The following ENPP6 variants were observed in gnomAD, a reference collection of about 807,000 sequenced individuals.
ENPP6 encodes glycerophosphocholine cholinephosphodiesterase ENPP6.
A neutral mutation model predicts 42.0 loss-of-function variants in ENPP6; 32 were observed. The ratio of observed to expected loss-of-function variants is 0.76; its 90% CI spans 0.58 to 1.02. The LOEUF is 1.02. Ranked by LOEUF, ENPP6 falls within the 50% of genes least tolerant of loss-of-function variation. The pLI is 0.00. For missense variants in ENPP6, 552 were observed against 566.8 expected, an observed-to-expected ratio of 0.97 and a Z score of 0.27; for synonymous variants, 213 against 216.0, an observed-to-expected ratio of 0.99 and a Z score of 0.12.
chr4:184,190,060 T>A (rs765589836), intron 1 of ENPP6, among the ~76,000 whole-genome samples: 2 of 152,200 alleles, frequency 1.3e-5, no homozygotes, highest in Non-Finnish European at 2.9e-5. Context: ...TGAAACCACC[T>A]GGAAGCAGGG....
chr4:184,117,822 C>A lies in ENPP6; in HGVS notation c.612G>T (p.Pro204=). ...VEGHHYGPAS[P]QRKDALKAVD... is the part of the protein sequence containing the mutation. ...CAGCCTTGAGGGCATCTTTCCTCTG[C>A]GGAGATGCAGGCCCGTAGTGGTGGC... Residue 204 remains proline, a synonymous_variant, in exon 4 of 8, where the codon CCG becomes CCT. Transcript: ENST00000296741. 2 of 1,614,218 alleles carry A rather than the reference C, an allele frequency of 1.2e-6. No homozygotes were observed. The highest frequency in any genetic ancestry group is 8.5e-7 in the Non-Finnish European group (1 of 1,180,042).
chr4:184,208,062 T>C (rs541772335), intron 1 of ENPP6, among the ~76,000 whole-genome samples: 3 of 143,316 alleles, frequency 2.1e-5, no homozygotes, highest in East Asian at 5.3e-4. Flanking sequence ...CATTCTGAGG[T>C]ACTGGAAACC....
chr4:184,202,011 AG>A (rs1264776891), intron 1 of ENPP6, among the ~76,000 whole-genome samples: 1 of 152,204 alleles, frequency 6.6e-6, no homozygotes, highest in Non-Finnish European at 1.5e-5. Flanking sequence ...GCAGTGAGAT[AG>A]GAAGTCCATT....
chr4:184,193,670 CAGTT>C (rs1208034019), intron 1 of ENPP6, among the ~76,000 whole-genome samples: 2 of 152,128 alleles, frequency 1.3e-5, no homozygotes, highest in Non-Finnish European at 2.9e-5. Context: ...TTTAAAAGAT[CAGTT>C]GAGATCACCA....
At chr4:184,142,069 C>A (rs1369760311) in intron 2 of ENPP6, among the ~76,000 whole-genome samples, 1 of 152,224 alleles carries the variant, frequency 6.6e-6, no homozygotes, top group Non-Finnish European at 1.5e-5. Flanking sequence ...CAAGGTCTCC[C>A]GGCCTGCCAG....
chr4:184,186,686 A>AGGTTT (rs1300973997), intron 1 of ENPP6, among the ~76,000 whole-genome samples: 1 of 152,112 alleles, frequency 6.6e-6, no homozygotes, highest in Non-Finnish European at 1.5e-5. Flanking sequence ...GGCCATTAGG[A>AGGTTT]GGTTTTGAGT....
chr4:184,185,433 C>T lies in ENPP6; in HGVS notation c.242-31700G>A, dbSNP rs575159790. 3.3e-5 allele frequency among the ~76,000 whole-genome samples: 5 copies of T among 152,144 alleles called. 1 individual carries two copies. The highest frequency in any genetic ancestry group is 7.4e-5 in the Non-Finnish European group (5 of 68,004). On this transcript the variant is annotated intron_variant, in intron 1 of 7. Transcript: ENST00000296741. ...CTCAAAACACAAACCTGTGGGGACACCCCAGCCAGCGCTCTAGAGCCACAT... is the reference window on the plus strand; with the variant it reads ...CTCAAAACACAAACCTGTGGGGACATCCCAGCCAGCGCTCTAGAGCCACAT...
intron 1 of ENPP6, among the ~76,000 whole-genome samples, chr4:184,168,626 C>G (rs1377532929): frequency 2.6e-5 from 4 of 152,222 alleles, no homozygotes; most frequent in African/African-American, 9.6e-5. Flanking sequence ...TCTTCACCAC[C>G]GCCCGCAGCC....
intron 1 of ENPP6, among the ~76,000 whole-genome samples, chr4:184,173,685 A>G (rs1191037489): frequency 6.6e-6 from 1 of 152,212 alleles, no homozygotes; most frequent in Non-Finnish European, 1.5e-5. Context: ...CTTTCAAATT[A>G]CAGAGTCCAA....
intron 7 of ENPP6, among the ~76,000 whole-genome samples, chr4:184,096,839 C>T (rs1020944971): frequency 2.6e-5 from 4 of 152,006 alleles, no homozygotes; most frequent in African/African-American, 9.7e-5. Context: ...CGGGAAGGAC[C>T]GTGGAAGAGC....
chr4:184,091,514 T>A (rs1735800622), intron 7 of ENPP6, 132 bp from the exon 8 acceptor site: 1 of 779,248 alleles, frequency 1.3e-6, no homozygotes, highest in Non-Finnish European at 2.0e-6. Context: ...ATCAGTGGGG[T>A]GTGGCCTAGT....
intron 6 of ENPP6, among the ~76,000 whole-genome samples, chr4:184,108,919 T>C (rs911812330): frequency 6.6e-6 from 1 of 152,226 alleles, no homozygotes; most frequent in African/African-American, 2.4e-5. Context: ...TTTTCAGAAC[T>C]AACAATAGCA....
Position 184,130,490 on chromosome 4 carries a change from G to A in ENPP6, c.422-6218C>T, listed in dbSNP as rs1164632665. Among the ~76,000 whole-genome samples the A allele has an allele frequency of 7.6e-5, 6 of 79,148 alleles. 1 individual carries two copies. Among genetic ancestry groups the A allele is most frequent in the African/African-American group, 2.4e-4 (5 of 21,090 alleles). The allele number at this position is 79,148 out of a possible 152,430, so 51.9% of individuals were successfully genotyped here. On this transcript the variant is annotated intron_variant, in intron 2 of 7. Coordinates refer to ENST00000296741, the MANE Select transcript of ENPP6 (RefSeq NM_153343.4). ...GGAGAATGGCGTGAACCCGGGAGGC[G>A]GAGCTTGCAGTGAGCCGAGATCACA... is the stretch of plus-strand genomic sequence containing the variant.
intron 6 of ENPP6, among the ~76,000 whole-genome samples, chr4:184,100,566 T>C (rs1055662892): frequency 6.6e-6 from 1 of 152,098 alleles, no homozygotes; most frequent in Non-Finnish European, 1.5e-5. Context: ...TGTGTGTGCG[T>C]TCAGGCAGAG....
intron 1 of ENPP6, among the ~76,000 whole-genome samples, chr4:184,212,590 G>C (rs916316249): frequency 6.0e-4 from 91 of 151,302 alleles, no homozygotes; most frequent in African/African-American, 2.0e-3. Context: ...AAATAAAAGA[G>C]GATACAAACA....
rs80336261 is a variant in ENPP6 at position 184,159,121 on chromosome 4, C to T, written c.242-5388G>A. 1.4e-4 allele frequency among the ~76,000 whole-genome samples: 22 copies of T among 152,268 alleles called. No individual in the cohort carries two copies. In the East Asian group the frequency reaches 4.2e-3, roughly 29 times the overall value. On this transcript the variant is annotated intron_variant, in intron 1 of 7. Transcript: ENST00000296741. ...CTTAGCTGAATAAATTGCATTATCT[C>T]CGATTGTATCATCAATAACCTGTCT...
At chr4:184,131,977 G>T (rs949827018) in intron 2 of ENPP6, among the ~76,000 whole-genome samples, 2 of 152,138 alleles carry the variant, frequency 1.3e-5, no homozygotes, top group Non-Finnish European at 2.9e-5. Context: ...CAGTCTGAAG[G>T]CCTGAGAACC....
At chr4:184,135,623 C>A (rs1303586395) in intron 2 of ENPP6, among the ~76,000 whole-genome samples, 1 of 152,098 alleles carries the variant, frequency 6.6e-6, no homozygotes, top group African/African-American at 2.4e-5. Context: ...TTGGTTTTAT[C>A]CAGTCTGATG....
At chr4:184,199,298 T>C (rs1052221518) in intron 1 of ENPP6, among the ~76,000 whole-genome samples, 2 of 152,124 alleles carry the variant, frequency 1.3e-5, no homozygotes, top group African/African-American at 4.8e-5. Context: ...GGGGGGCTGT[T>C]GTCAGGAGTC....
Sources: gnomAD v4.1 joint callset for allele counts (sites outside exome capture counted in the v4.1 genomes callset) on GRCh38, gnomAD v4.1.1 for gene constraint, MANE v1.5 for transcripts, NCBI Gene and HGNC (gene_info 2026-07-23, HGNC 2026-07-21) for gene names.